NBPF15: variants seen among roughly 807,000 people sequenced by gnomAD.
NBPF15 encodes NBPF family member NBPF15.
A neutral mutation model predicts 62.2 loss-of-function variants in NBPF15; 74 were observed. The observed-to-expected ratio is 1.19, with a 90% CI of 0.99 to 1.44. The LOEUF is 1.44. Ranked by LOEUF, NBPF15 falls within the 40% of genes most tolerant of loss-of-function variation. The pLI is 0.00. For synonymous variants in NBPF15, 244 were observed against 209.7 expected, an observed-to-expected ratio of 1.16 and a Z score of -1.41; for missense variants, 790 against 550.0, an observed-to-expected ratio of 1.44 and a Z score of -4.36.
intron 14 of NBPF15, among the ~76,000 whole-genome samples, chr1:144,429,484 C>G (rs1553539913): frequency 6.6e-6 from 1 of 150,536 alleles, no homozygotes; most frequent in Non-Finnish European, 1.5e-5. Flanking sequence ...TTGGCACGGG[C>G]ATGGCCTGAG....
At position 144,427,056 on chromosome 1, in the gene NBPF15, G is replaced by T; in HGVS notation, c.1256C>A (p.Ser419Ter). Residue 419 changes from serine (S) to a stop codon, truncating the protein, a stop_gained, in exon 17 of 22, where the codon TCA (serine) becomes TAA (stop). Transcript: ENST00000581897. LOFTEE classifies it high-confidence loss of function. ...YQEVEEDQDP[S>*]CPRLSRELLD... The stretch of plus-strand genomic sequence containing the variant: ...AATTGCTCAAAGTTACCTGGGGCAT[G>T]ATGGGTCTTGGTCTTCTTCCACTTC... The T allele has an allele frequency of 1.4e-6, 1 of 738,042 alleles. No homozygotes were observed. The highest frequency in any genetic ancestry group is 2.5e-6 in the Non-Finnish European group (1 of 408,018). The allele number at this position is 738,042 out of a possible 1,614,324, so 45.7% of individuals were successfully genotyped here. A position where few individuals can be genotyped will look rare whatever the true frequency, so the allele number is the denominator to read the frequency against.
intron 21 of NBPF15, 139 bp from the exon 22 acceptor site, chr1:144,423,395 T>C (rs1432605253): frequency 2.0e-6 from 3 of 1,536,792 alleles, no homozygotes; most frequent in Non-Finnish European, 2.6e-6. Flanking sequence ...AAAAAAAAAT[T>C]TATTGCCTTT....
At chr1:144,444,358 C>T (rs1553543475) in intron 6 of NBPF15, among the ~76,000 whole-genome samples, 5 of 151,072 alleles carry the variant, frequency 3.3e-5, no homozygotes, top group Non-Finnish European at 1.5e-5. Context: ...TTTCCTGGGC[C>T]TTAAAGCATG....
Position 144,459,348 on chromosome 1 carries a change from G to A in NBPF15, c.-701+18C>T, listed in dbSNP as rs1553547806. 1 of 151,960 alleles carries A rather than the reference G, an allele frequency of 6.6e-6. No homozygotes were observed. The highest frequency in any genetic ancestry group is 2.1e-4 in the South Asian group (1 of 4,816). The allele number at this position is 151,960 out of a possible 1,614,324, so 9.4% of individuals were successfully genotyped here. A position where few individuals can be genotyped will look rare whatever the true frequency, so the allele number is the denominator to read the frequency against. On this transcript the variant is annotated intron_variant, in intron 3 of 21. Transcript: ENST00000581897. ...TCTACTAAAAATACAGAAAAGAGCT[G>A]AGTGTGGTGGTGCTCACCTGTAGGT...
rs370202217 is a variant in NBPF15, at chr1:144,439,229, G to A, written c.175+600C>T. 1.8e-3 allele frequency among the ~76,000 whole-genome samples: 279 copies of A among 151,766 alleles called. 2 individuals carry two copies. The highest frequency in any genetic ancestry group is 3.0e-3 in the Non-Finnish European group (203 of 67,912). ...AAACTCCTGACCTCATGATCTGCCCGCCTCAGCCTCCCAAAGTGCTGGGAT... is the reference window on the plus strand; with the variant it reads ...AAACTCCTGACCTCATGATCTGCCCACCTCAGCCTCCCAAAGTGCTGGGAT... On this transcript the variant is annotated intron_variant, in intron 8 of 21. Transcript: ENST00000581897.
At chr1:144,443,551 C>T (rs1404737831) in intron 6 of NBPF15, among the ~76,000 whole-genome samples, 1 of 151,772 alleles carries the variant, frequency 6.6e-6, no homozygotes, top group Non-Finnish European at 1.5e-5. Flanking sequence ...ATTGAGTCTT[C>T]CAATCAATGA....
In NBPF15 at chr1:144,424,252, T is replaced by A. The variant is rs1463095861; in HGVS notation, c.1664-277A>T. Among the ~76,000 whole-genome samples the A allele has an allele frequency of 2.0e-5, 3 of 151,978 alleles. No homozygotes were observed. In the East Asian group the frequency reaches 5.8e-4, roughly 29 times the overall value. Reference sequence around the variant, plus strand: ...AAACAGTTATGCCATATTTTTCCAATCAATTTAAAGCAAATACCCTCAAAT... The same window carrying A: ...AAACAGTTATGCCATATTTTTCCAAACAATTTAAAGCAAATACCCTCAAAT... On this transcript the variant is annotated intron_variant, in intron 20 of 21. Coordinates refer to ENST00000581897, the MANE Select transcript of NBPF15 (RefSeq NM_001385408.1).
At chr1:144,447,491 C>T (rs1309833225) in intron 6 of NBPF15, among the ~76,000 whole-genome samples, 1 of 151,812 alleles carries the variant, frequency 6.6e-6, no homozygotes, top group African/African-American at 2.4e-5. Flanking sequence ...CGGGTGCCCC[C>T]AATGCTAAAC....
intron 6 of NBPF15, among the ~76,000 whole-genome samples, chr1:144,448,357 G>A (rs1689040000): frequency 1.3e-5 from 2 of 151,988 alleles, no homozygotes; most frequent in Admixed American, 6.6e-5. Context: ...ATTCCTGGTG[G>A]TATTTCAGAT....
rs1350863005 is a variant in NBPF15, at chr1:144,442,177, TATA to T, written c.-190-1885_-190-1883del. 1.5e-3 allele frequency among the ~76,000 whole-genome samples: 167 copies of T among 108,082 alleles called. 6 individuals carry two copies. Among genetic ancestry groups the T allele is most frequent in the Middle Eastern group, 5.1e-3 (1 of 198 alleles). The allele number at this position is 108,082 out of a possible 152,430, so 70.9% of individuals were successfully genotyped here. A position where few individuals can be genotyped will look rare whatever the true frequency, so the allele number is the denominator to read the frequency against. ...ATATACACGTGTATATATATATATA[TATA>T]ATATATATACACGTGTATATATATT... On this transcript the variant is annotated intron_variant, in intron 6 of 21. Transcript: ENST00000581897.
chr1:144,445,324 A>C (rs2102448339), intron 6 of NBPF15, among the ~76,000 whole-genome samples: 1 of 111,080 alleles, frequency 9.0e-6, no homozygotes, highest in Non-Finnish European at 1.8e-5. Flanking sequence ...ATAATCTTCA[A>C]AACGGTGAAT....
At chr1:144,435,753 T>C in intron 11 of NBPF15, 28 bp downstream of exon 11, 1 of 769,160 alleles carries the variant, frequency 1.3e-6, no homozygotes, top group South Asian at 1.4e-5. Flanking sequence ...TTACCATCCA[T>C]TAATTGTTCC....
chr1:144,423,543 T>C (rs1388813332), intron 21 of NBPF15, among the ~76,000 whole-genome samples: 1 of 151,966 alleles, frequency 6.6e-6, no homozygotes, highest in Non-Finnish European at 1.5e-5. Flanking sequence ...AAGGACACTC[T>C]GAGTTAGTGC....
intron 6 of NBPF15, among the ~76,000 whole-genome samples, chr1:144,443,608 G>T (rs1361909338): frequency 9.2e-5 from 14 of 151,808 alleles, no homozygotes; most frequent in Admixed American, 9.2e-4. Flanking sequence ...CTCACCAATT[G>T]CTTTTAGGGG....
intron 6 of NBPF15, among the ~76,000 whole-genome samples, chr1:144,445,256 G>GTC (rs1224678692): frequency 8.1e-6 from 1 of 123,592 alleles, no homozygotes; most frequent in Non-Finnish European, 1.7e-5. Context: ...GTGTGTTTGT[G>GTC]TGTGTCTGTA....
chr1:144,437,447 G>T (rs2102095774), intron 9 of NBPF15, among the ~76,000 whole-genome samples: 1 of 145,304 alleles, frequency 6.9e-6, no homozygotes, highest in Admixed American at 7.0e-5. Context: ...TACACATAGT[G>T]CATCTTGCGG....
Position 144,427,837 on chromosome 1 carries a change from G to T in NBPF15, c.1194C>A (p.Gly398=). The T allele has an allele frequency of 4.1e-6, 3 of 738,682 alleles. No homozygotes were observed. In the South Asian group the frequency reaches 4.4e-5, roughly 11 times the overall value. The allele number at this position is 738,682 out of a possible 1,614,324, so 45.8% of individuals were successfully genotyped here. The change falls in exon 16 of 22, where the codon GGC becomes GGA. Residue 398 remains glycine (G), a synonymous_variant. Transcript: ENST00000581897. ...AFYVLEQQRV[G]LAIDMDEIEK... is the part of the protein sequence containing the mutation. Reference sequence around the variant, plus strand: ...ACTCACCATCCATGTCAATAGCCAAGCCAACACGCTGTTGCTCCAATACGT... The same window carrying T: ...ACTCACCATCCATGTCAATAGCCAATCCAACACGCTGTTGCTCCAATACGT...
At position 144,438,002 on chromosome 1, in the gene NBPF15, T is replaced by C. The variant is rs781859273; in HGVS notation, c.221A>G (p.Glu74Gly). 61 of 1,611,622 alleles carry C rather than the reference T, an allele frequency of 3.8e-5. No homozygotes were observed. The African/African-American group carries it at 7.1e-4, about 19-fold the overall frequency. The change falls in exon 9 of 22, where the codon GAG (glutamate) becomes GGG (glycine). Residue 74 changes from glutamate (E) to glycine (G), a missense_variant. Physicochemically the swap from Glu to Gly is moderately conservative, Grantham distance 98. Coordinates refer to ENST00000581897, the MANE Select transcript of NBPF15 (RefSeq NM_001385408.1). ...AAGCTTCTCCTCCTTGAACTGTCGC[T>C]CATTCCTCAGCATAAATTTTATGAG... Reference protein sequence around the residue: ...KDLIKFMLRNERQFKEEKLAE... With the variant: ...KDLIKFMLRNGRQFKEEKLAE...
rs1205476976 is a variant in NBPF15, at chr1:144,424,494, G to A, written c.1663+196C>T. Among the ~76,000 whole-genome samples the A allele has an allele frequency of 3.9e-5, 6 of 152,058 alleles. No individual in the cohort carries two copies. In the South Asian group the frequency reaches 6.2e-4, roughly 16 times the overall value. Reference sequence around the variant, plus strand: ...CACAGGCATGGCCTGAGACTAGGAAGAGAGTCTTGCTCACTGACCCATCCC... The same window carrying A: ...CACAGGCATGGCCTGAGACTAGGAAAAGAGTCTTGCTCACTGACCCATCCC... On this transcript the variant is annotated intron_variant, in intron 20 of 21. Transcript: ENST00000581897.
Sources: gnomAD v4.1 joint callset for allele counts (sites outside exome capture counted in the v4.1 genomes callset) on GRCh38, gnomAD v4.1.1 for gene constraint, MANE v1.5 for transcripts, NCBI Gene and HGNC (gene_info 2026-07-23, HGNC 2026-07-21) for gene names.